PCDH15: variants seen among roughly 807,000 people sequenced by gnomAD.
PCDH15 encodes the protein protocadherin related 15, also known as protocadherin-15.
PCDH15 carries 129 observed loss-of-function variants against 178.5 expected under a neutral mutation model. That is an observed-to-expected ratio of 0.72 (90% CI 0.63 to 0.84). The LOEUF is 0.84. Ranked by LOEUF, PCDH15 falls within the 40% of genes least tolerant of loss-of-function variation. The probability of loss-of-function intolerance (pLI) is 0.00; values close to 1 mark genes in which losing one functional copy is unlikely to be tolerated. For missense variants in PCDH15, 2,230 were observed against 2,099.9 expected, an observed-to-expected ratio of 1.06 and a Z score of -1.21; for synonymous variants, 800 against 732.0, an observed-to-expected ratio of 1.09 and a Z score of -1.50.
chr10:54,330,165 A>T (rs1939155926), intron 6 of PCDH15, among the ~76,000 whole-genome samples: 1 of 65,620 alleles, frequency 1.5e-5, no homozygotes. Context: ...TCTGGCATTA[A>T]ATACAAAAAA....
At chr10:55,147,758 C>T (rs940614579) in intron 2 of PCDH15, among the ~76,000 whole-genome samples, 1 of 151,492 alleles carries the variant, frequency 6.6e-6, no homozygotes, top group East Asian at 1.9e-4. Flanking sequence ...GTGTGCTGCA[C>T]CAATTAACTC....
chr10:53,923,019 G>A (rs2084137519), intron 25 of PCDH15, among the ~76,000 whole-genome samples: 1 of 152,050 alleles, frequency 6.6e-6, no homozygotes. Flanking sequence ...CGTGGGAGGT[G>A]GAGTTTGCAG....
intron 1 of PCDH15, among the ~76,000 whole-genome samples, chr10:54,677,165 A>T (rs544601504): frequency 6.6e-6 from 1 of 152,246 alleles, no homozygotes; most frequent in South Asian, 2.1e-4. Context: ...TGAGGTCAGG[A>T]GTTCAAAGCC....
chr10:55,325,557 C>A (rs566953365), intron 2 of PCDH15, among the ~76,000 whole-genome samples: 1 of 152,126 alleles, frequency 6.6e-6, no homozygotes, highest in Admixed American at 6.5e-5. Flanking sequence ...ACACCGTATA[C>A]AAAAATCAAC....
chr10:54,725,783 G>A (rs1333499230), intron 1 of PCDH15, among the ~76,000 whole-genome samples: 1 of 151,282 alleles, frequency 6.6e-6, no homozygotes, highest in Non-Finnish European at 1.5e-5. Flanking sequence ...GTGAGTGGCT[G>A]AGCCTAGTAA....
At chr10:55,197,587 C>A (rs542602870) in intron 1 of PCDH15, among the ~76,000 whole-genome samples, 22 of 152,112 alleles carry the variant, frequency 1.4e-4, no homozygotes, top group Middle Eastern at 3.4e-3. Flanking sequence ...TCTGGGTCAC[C>A]AAACAAAATG....
chr10:55,487,020 G>T (rs933589069), intron 2 of PCDH15, among the ~76,000 whole-genome samples: 1 of 151,550 alleles, frequency 6.6e-6, no homozygotes, highest in Non-Finnish European at 1.5e-5. Flanking sequence ...TCATAAAATA[G>T]AAGTTTATTT....
At chr10:54,712,585 T>G (rs1259422772) in intron 1 of PCDH15, among the ~76,000 whole-genome samples, 2 of 152,002 alleles carry the variant, frequency 1.3e-5, no homozygotes, top group Admixed American at 1.3e-4. Context: ...TATAGGTTGA[T>G]GGGTGCACCC....
chr10:53,930,768 C>T (rs1045996314), intron 25 of PCDH15, among the ~76,000 whole-genome samples: 5 of 152,096 alleles, frequency 3.3e-5, no homozygotes, highest in African/African-American at 1.2e-4. Context: ...ACTACATAAA[C>T]CCCCTAGCTT....
rs59645298 is a variant in PCDH15, at chr10:55,125,924, G to A, written c.-80+40652C>T. Among the ~76,000 whole-genome samples, 1,000 of 152,166 alleles carry A rather than the reference G, an allele frequency of 6.6e-3. 17 individuals carry two copies. The highest frequency in any genetic ancestry group is 0.023 in the African/African-American group (962 of 41,538). On this transcript the variant is annotated intron_variant, in intron 2 of 5. Transcript: ENST00000458638. The stretch of plus-strand genomic sequence containing the variant: ...CCTGGGTCAGAATATTGGCTAAACG[G>A]TGTTCTTTACCCTAATCAGCTGACC...
At chr10:54,875,620 C>G (rs1356063250) in intron 3 of PCDH15, among the ~76,000 whole-genome samples, 2 of 152,044 alleles carry the variant, frequency 1.3e-5, no homozygotes, top group Non-Finnish European at 2.9e-5. Flanking sequence ...AGTCATATTG[C>G]TGATATGGAA....
intron 8 of PCDH15, among the ~76,000 whole-genome samples, chr10:54,280,411 C>G (rs2058620131): frequency 6.6e-6 from 1 of 151,548 alleles, no homozygotes; most frequent in Non-Finnish European, 1.5e-5. Flanking sequence ...ATTTCCTTCT[C>G]TACACCATTA....
At chr10:54,919,791 A>T (rs1281139982) in intron 2 of PCDH15, among the ~76,000 whole-genome samples, 2 of 152,148 alleles carry the variant, frequency 1.3e-5, no homozygotes, top group African/African-American at 4.8e-5. Context: ...ATGAAATATG[A>T]ACTACGATTT....
intron 2 of PCDH15, among the ~76,000 whole-genome samples, chr10:55,072,684 T>C (rs1280176493): frequency 2.6e-5 from 4 of 151,974 alleles, no homozygotes; most frequent in Non-Finnish European, 4.4e-5. Flanking sequence ...GAGGAACTGG[T>C]ACCATTCCTT....
chr10:54,180,273 A>AAG (rs1013378915), intron 13 of PCDH15, among the ~76,000 whole-genome samples: 1 of 152,206 alleles, frequency 6.6e-6, no homozygotes, highest in African/African-American at 2.4e-5. Flanking sequence ...CAGAAGCTCA[A>AAG]TTTATAACTG....
chr10:55,571,060 T>C (rs1378755567), intron 2 of PCDH15, among the ~76,000 whole-genome samples: 2 of 152,044 alleles, frequency 1.3e-5, no homozygotes, highest in African/African-American at 2.4e-5. Context: ...TGAAGGTGGG[T>C]CCTGTTGGGA....
intron 2 of PCDH15, among the ~76,000 whole-genome samples, chr10:54,631,250 C>G (rs2093693716): frequency 6.6e-6 from 1 of 152,090 alleles, no homozygotes; most frequent in Admixed American, 6.6e-5. Context: ...GAGCCTTGCT[C>G]CAGCTTTACC....
chr10:53,864,378 G>A lies in PCDH15; in HGVS notation c.3717+2264C>T, dbSNP rs865879576. On this transcript the variant is annotated intron_variant, in intron 27 of 37. Coordinates refer to ENST00000644397, the MANE Select transcript of PCDH15 (RefSeq NM_001384140.1). ...AATACCATCTCCCCACACCCCACCT[G>A]AGTAACAAAGGATCAAAGGCTACTC... 2.0e-5 allele frequency among the ~76,000 whole-genome samples: 3 copies of A among 152,240 alleles called. No individual in the cohort carries two copies. In the Middle Eastern group the frequency reaches 0.01, roughly 518 times the overall value.
chr10:54,867,176 T>C (rs2131788584), intron 3 of PCDH15, among the ~76,000 whole-genome samples: 1 of 152,268 alleles, frequency 6.6e-6, no homozygotes, highest in East Asian at 1.9e-4. Context: ...GATTGCAGTG[T>C]GGTTTGGGAA....
Sources: allele counts gnomAD v4.1 joint callset (sites outside exome capture counted in the v4.1 genomes callset), GRCh38; gene constraint gnomAD v4.1.1; transcripts MANE v1.5; gene names NCBI Gene and HGNC (gene_info 2026-07-23, HGNC 2026-07-21).